The following COG7 variants were observed in gnomAD, a reference collection of about 807,000 sequenced individuals.
The protein encoded by COG7 is component of oligomeric golgi complex 7, also known as conserved oligomeric Golgi complex subunit 7.
Under a neutral mutation model 91.5 loss-of-function variants are expected in COG7, and 49 were observed. The observed-to-expected ratio is 0.54, with a 90% CI of 0.43 to 0.68. The LOEUF is 0.68. Ranked by LOEUF, COG7 falls within the 30% of genes least tolerant of loss-of-function variation. COG7 has a pLI of 0.00. For synonymous variants in COG7, 365 were observed against 388.7 expected, an observed-to-expected ratio of 0.94 and a Z score of 0.72; for missense variants, 895 against 961.3, an observed-to-expected ratio of 0.93 and a Z score of 0.91.
At chr16:23,390,733 G>A (rs1292450084) in intron 16 of COG7, among the ~76,000 whole-genome samples, 1 of 152,234 alleles carries the variant, frequency 6.6e-6, no homozygotes, top group African/African-American at 2.4e-5. Context: ...GAGCCATGGT[G>A]CCCAGCCCCC....
intron 6 of COG7, among the ~76,000 whole-genome samples, chr16:23,431,904 G>A (rs1432426707): frequency 5.3e-5 from 8 of 151,944 alleles, no homozygotes; most frequent in Non-Finnish European, 1.5e-5. Context: ...CACTTTGGGA[G>A]GCCAAAGTGG....
At position 23,424,766 on chromosome 16, in the gene COG7, G is replaced by A; in HGVS notation, c.992C>T (p.Ala331Val). 1 of 1,614,210 alleles carries A rather than the reference G, an allele frequency of 6.2e-7. No individual in the cohort carries two copies. The highest frequency in any genetic ancestry group is 8.5e-7 in the Non-Finnish European group (1 of 1,180,022). The change falls in exon 7 of 17, where the codon GCA (alanine) becomes GTA (valine). Residue 331 changes from alanine (A) to valine (V), a missense_variant. Physicochemically the swap from Ala to Val is moderately conservative, Grantham distance 64 (BLOSUM62 0). Transcript: ENST00000307149. ...TAHFAKGLEM[A>V]LLPHLHEHNL... ...ATGTTTACGTAGGTGGGGGAGCAGT[G>A]CCATCTCCAAGCCCTTGGCGAAGTG...
At chr16:23,413,150 T>C in intron 10 of COG7, 1 of 360,614 alleles carries the variant, frequency 2.8e-6, no homozygotes, top group Non-Finnish European at 5.3e-6. Flanking sequence ...AACTATACGC[T>C]AAGGTGGGGG....
At chr16:23,445,185 G>A in intron 2 of COG7, 21 bp from the exon 3 acceptor site, 1 of 1,530,556 alleles carries the variant, frequency 6.5e-7, no homozygotes, top group Non-Finnish European at 9.1e-7. Context: ...CGTGAGGGGT[G>A]AAAAATGAAG....
At chr16:23,452,756 G>T in intron 1 of COG7, 70 bp downstream of exon 1, 2 of 1,545,036 alleles carry the variant, frequency 1.3e-6, no homozygotes, top group Non-Finnish European at 1.7e-6. Context: ...AGTGCCTCAC[G>T]CAAGTTCGGT....
At chr16:23,421,366 GGA>G (rs1433576260) in intron 7 of COG7, among the ~76,000 whole-genome samples, 1 of 151,018 alleles carries the variant, frequency 6.6e-6, no homozygotes, top group Non-Finnish European at 1.5e-5. Flanking sequence ...TGGGATTATA[GGA>G]GAGTTATTTT....
At chr16:23,445,993 C>G (rs750000753) in intron 1 of COG7, 32 bp from the exon 2 acceptor site, 1 of 1,563,828 alleles carries the variant, frequency 6.4e-7, no homozygotes, top group South Asian at 1.1e-5. Flanking sequence ...AAAACAACAA[C>G]AACAGCGATA....
At chr16:23,438,423 T>C (rs191086462) in intron 4 of COG7, among the ~76,000 whole-genome samples, 32 of 152,174 alleles carry the variant, frequency 2.1e-4, no homozygotes, top group African/African-American at 7.7e-4. Context: ...CTGGGCGTGG[T>C]AGTGCACACC....
At chr16:23,414,808 C>T (rs926983137) in intron 9 of COG7, 1 of 152,180 alleles carries the variant, frequency 6.6e-6, no homozygotes. Flanking sequence ...TCCCCAGGAA[C>T]TAGCACAGAG....
intron 11 of COG7, among the ~76,000 whole-genome samples, chr16:23,406,940 C>T (rs975864482): frequency 1.3e-5 from 2 of 152,186 alleles, no homozygotes; most frequent in Non-Finnish European, 2.9e-5. Context: ...TTGACCTCCA[C>T]CCTGTTTTCC....
chr16:23,389,986 G>T (rs146268150), intron 16 of COG7: 1 of 152,126 alleles, frequency 6.6e-6, no homozygotes, highest in Admixed American at 6.6e-5. Context: ...CCACCCATCC[G>T]GCAGCATGGA....
intron 16 of COG7, chr16:23,392,093 T>A: frequency 7.5e-7 from 1 of 1,325,556 alleles, no homozygotes; most frequent in Non-Finnish European, 9.7e-7. Context: ...GCGGGCCAGG[T>A]GGGGCCAGGC....
intron 14 of COG7, among the ~76,000 whole-genome samples, chr16:23,395,636 G>A (rs191333188): frequency 3.9e-5 from 6 of 152,306 alleles, no homozygotes; most frequent in African/African-American, 1.2e-4. Flanking sequence ...TTAGACTGTA[G>A]GGATTGCTGG....
intron 12 of COG7, 27 bp downstream of exon 12, chr16:23,406,049 A>G: frequency 6.2e-7 from 1 of 1,606,060 alleles, no homozygotes; most frequent in African/African-American, 1.3e-5. Flanking sequence ...TTTCATTTGC[A>G]AGAATGCCAT....
chr16:23,406,048 C>T, intron 12 of COG7, 28 bp downstream of exon 12: 1 of 1,605,440 alleles, frequency 6.2e-7, no homozygotes, highest in Non-Finnish European at 8.5e-7. Context: ...CTTTCATTTG[C>T]AAGAATGCCA....
At chr16:23,423,036 C>G (rs1323428674) in intron 7 of COG7, among the ~76,000 whole-genome samples, 1 of 133,420 alleles carries the variant, frequency 7.5e-6, no homozygotes, top group Non-Finnish European at 1.6e-5. Context: ...CAAAGCAAGT[C>G]TCTGTCTCAA....
At chr16:23,425,816 T>C (rs1567340569) in intron 6 of COG7, among the ~76,000 whole-genome samples, 1 of 152,196 alleles carries the variant, frequency 6.6e-6, no homozygotes, top group Non-Finnish European at 1.5e-5. Context: ...CTAGAACAAC[T>C]GGCAAGTTCA....
chr16:23,390,729 T>C (rs1385142001), intron 16 of COG7, among the ~76,000 whole-genome samples: 1 of 152,316 alleles, frequency 6.6e-6, no homozygotes, highest in South Asian at 2.1e-4. Flanking sequence ...GCATGAGCCA[T>C]GGTGCCCAGC....
Position 23,421,781 on chromosome 16 carries a change from G to A in COG7, c.1010-2954C>T, listed in dbSNP as rs1369523079. Among the ~76,000 whole-genome samples, 6 of 150,424 alleles carry A rather than the reference G, an allele frequency of 4.0e-5. No homozygotes were observed. The East Asian group carries it at 7.8e-4, about 20-fold the overall frequency. ...AAGGAGAATGGCATGAACCCAGGAG[G>A]TGGAGGCTTCAGTGAGCCGAAATTG... is the stretch of plus-strand genomic sequence containing the variant. On this transcript the variant is annotated intron_variant, in intron 7 of 16. Coordinates refer to ENST00000307149, the MANE Select transcript of COG7 (RefSeq NM_153603.4).
Sources: gnomAD v4.1 joint callset for allele counts (sites outside exome capture counted in the v4.1 genomes callset) on GRCh38, gnomAD v4.1.1 for gene constraint, MANE v1.5 for transcripts, NCBI Gene and HGNC (gene_info 2026-07-23, HGNC 2026-07-21) for gene names.